Variants in REXO5 observed in about 807,000 individuals in gnomAD.
REXO5 encodes exonuclease NEF-sp.
In REXO5, 48 loss-of-function variants were observed where a neutral mutation model predicts 88.5. That is an observed-to-expected ratio of 0.54 (90% CI 0.43 to 0.69). The LOEUF is 0.69. REXO5 is among the 30% of genes least tolerant of loss of function. REXO5 has a pLI of 0.00. For missense variants in REXO5, 749 were observed against 912.2 expected, an observed-to-expected ratio of 0.82 and a Z score of 2.30; for synonymous variants, 311 against 336.5, an observed-to-expected ratio of 0.92 and a Z score of 0.83.
At chr16:20,806,918 A>C in intron 1 of REXO5, 34 bp from the exon 2 acceptor site, 1 of 1,554,724 alleles carries the variant, frequency 6.4e-7, no homozygotes, top group Admixed American at 1.9e-5. Context: ...GGGGCGCTGG[A>C]GTTTCCCCAG....
intron 19 of REXO5, among the ~76,000 whole-genome samples, chr16:20,849,093 G>A (rs574114754): frequency 6.6e-5 from 10 of 152,232 alleles, no homozygotes; most frequent in Non-Finnish European, 1.3e-4. Flanking sequence ...AGTGCTCAGT[G>A]TATGTTTGCT....
chr16:20,829,459 C>T (rs932973400), intron 11 of REXO5, among the ~76,000 whole-genome samples: 2 of 152,124 alleles, frequency 1.3e-5, no homozygotes, highest in African/African-American at 4.8e-5. Context: ...TATTATAATG[C>T]ATTCTAACCT....
chr16:20,826,673 T>C (rs2081264394), intron 8 of REXO5, among the ~76,000 whole-genome samples: 1 of 152,252 alleles, frequency 6.6e-6, no homozygotes, highest in East Asian at 1.9e-4. Context: ...AGTTAAAATA[T>C]GCTGTATCTG....
intron 2 of REXO5, among the ~76,000 whole-genome samples, chr16:20,812,460 GGTT>G (rs1297141132): frequency 6.6e-6 from 1 of 152,150 alleles, no homozygotes; most frequent in East Asian, 1.9e-4. Context: ...GGGAGGCAGA[GGTT>G]GTAGTGAGCA....
chr16:20,820,316 T>G (rs2081149859), intron 5 of REXO5, among the ~76,000 whole-genome samples: 1 of 151,782 alleles, frequency 6.6e-6, no homozygotes, highest in Admixed American at 6.6e-5. Context: ...CTTATGATAC[T>G]TTGGCTATTT....
At chr16:20,816,325 A>ATTT in intron 5 of REXO5, 113 bp downstream of exon 5, 1 of 502,764 alleles carries the variant, frequency 2.0e-6, no homozygotes, top group Admixed American at 3.9e-5. Context: ...CACAAAAACA[A>ATTT]TTTTTTTTTT....
Position 20,849,476 on chromosome 16 carries a change from C to G in REXO5, c.2321C>G (p.Ser774Trp), listed in dbSNP as rs764829816. ...EEESAGPGLC[S>W] is the part of the protein sequence containing the mutation. The stretch of plus-strand genomic sequence containing the variant: ...GAAAGCGCTGGCCCAGGCCTGTGTT[C>G]GTGAGTCGGCCTGCCATGTTTCCAT... Residue 774 changes from serine (S) to tryptophan (W), a missense_variant, in exon 20 of 20, where the codon TCG (serine) becomes TGG (tryptophan). By Grantham distance (177) the Ser-to-Trp change is radical. Coordinates refer to ENST00000261377, the MANE Select transcript of REXO5 (RefSeq NM_030941.3). The G allele has an allele frequency of 6.2e-7, 1 of 1,613,946 alleles. No individual in the cohort carries two copies. Among genetic ancestry groups the G allele is most frequent in the East Asian group, 2.2e-5 (1 of 44,880 alleles).
intron 12 of REXO5, 83 bp downstream of exon 12, chr16:20,832,342 C>A: frequency 1.1e-6 from 1 of 887,654 alleles, no homozygotes; most frequent in Non-Finnish European, 1.7e-6. Flanking sequence ...ATGTTTTTAT[C>A]CTCTTTTGAG....
intron 1 of REXO5, 47 bp from the exon 2 acceptor site, chr16:20,806,905 A>G (rs938211294): frequency 7.8e-6 from 12 of 1,544,448 alleles, no homozygotes; most frequent in Non-Finnish European, 9.6e-6. Context: ...ACGCGGGGGA[A>G]TAGGGGCGCT....
rs774577283 is a variant in REXO5 at position 20,840,336 on chromosome 16, G to A, written c.1494G>A (p.Arg498=). 3 of 1,544,404 alleles carry A rather than the reference G, an allele frequency of 1.9e-6. No individual in the cohort carries two copies. In the African/African-American group the frequency reaches 4.1e-5, roughly 21 times the overall value. The change falls in exon 15 of 20, where the codon AGG becomes AGA. Residue 498 remains arginine, a synonymous_variant. Transcript: ENST00000261377. ...TTCTGTTGTTTTTCCTACAGATGAGGATCAAGTGGACAGAGATATCAACTG... is the reference window on the plus strand; with the variant it reads ...TTCTGTTGTTTTTCCTACAGATGAGAATCAAGTGGACAGAGATATCAACTG... ...VLTEEMNKRM[R]IKWTEISTVY... is the part of the protein sequence containing the mutation.
At position 20,814,919 on chromosome 16, in the gene REXO5, C is replaced by T. The variant is rs752347076; in HGVS notation, c.252-8C>T. Reference sequence around the variant, plus strand: ...TGTCTTAACTGTGTTGGTTTGATTTCTTGGCAGCTGGTGCCAGCTTTTTCA... The same window carrying T: ...TGTCTTAACTGTGTTGGTTTGATTTTTTGGCAGCTGGTGCCAGCTTTTTCA... On this transcript the variant is annotated splice_region_variant and splice_polypyrimidine_tract_variant and intron_variant, in intron 3 of 19. Coordinates refer to ENST00000261377, the MANE Select transcript of REXO5 (RefSeq NM_030941.3). 3.1e-6 allele frequency: 5 copies of T among 1,610,390 alleles called. No homozygotes were observed. Among genetic ancestry groups the T allele is most frequent in the Non-Finnish European group, 3.4e-6 (4 of 1,178,502 alleles).
At chr16:20,839,664 C>A in intron 13 of REXO5, 91 bp from the exon 14 acceptor site, 2 of 765,712 alleles carry the variant, frequency 2.6e-6, no homozygotes, top group Non-Finnish European at 4.1e-6. Flanking sequence ...CGTAAAAAGA[C>A]AACTACTGTT....
Position 20,830,648 on chromosome 16 carries a change from C to A in REXO5, c.1159-1508C>A, listed in dbSNP as rs188867756. 5.3e-4 allele frequency among the ~76,000 whole-genome samples: 80 copies of A among 152,262 alleles called. 1 individual carries two copies. Among genetic ancestry groups the A allele is most frequent in the Admixed American group, 1.6e-3 (25 of 15,302 alleles). ...TTGCATGTAAAGGCAGGGTTTGTTC[C>A]TTGACACATACATGTATAGAAAATG... On this transcript the variant is annotated intron_variant, in intron 11 of 19. Coordinates refer to ENST00000261377, the MANE Select transcript of REXO5 (RefSeq NM_030941.3).
chr16:20,816,063 A>G (rs2081076301), intron 4 of REXO5, 53 bp from the exon 5 acceptor site: 1 of 1,420,688 alleles, frequency 7.0e-7, no homozygotes, highest in Non-Finnish European at 9.9e-7. Flanking sequence ...GGCCTTTCAC[A>G]GTATTTTAGC....
intron 11 of REXO5, 42 bp from the exon 12 acceptor site, chr16:20,832,114 C>T (rs1297146905): frequency 1.5e-6 from 2 of 1,304,002 alleles, no homozygotes; most frequent in Non-Finnish European, 1.1e-6. Context: ...GCATCAAATG[C>T]TCTGCAAGCA....
Position 20,816,032 on chromosome 16 carries a change from T to G in REXO5, c.379-84T>G, listed in dbSNP as rs2081075936. ...TTACTGTCTAGAACTTTCAAAGCACTGAGGTGACAATAAAAGTCCAGGCCT... is the reference window on the plus strand; with the variant it reads ...TTACTGTCTAGAACTTTCAAAGCACGGAGGTGACAATAAAAGTCCAGGCCT... On this transcript the variant is annotated intron_variant, in intron 4 of 19. Coordinates refer to ENST00000261377, the MANE Select transcript of REXO5 (RefSeq NM_030941.3). 3.9e-6 allele frequency: 4 copies of G among 1,034,340 alleles called. No homozygotes were observed. In the South Asian group the frequency reaches 5.5e-5, roughly 14 times the overall value. The allele number at this position is 1,034,340 out of a possible 1,614,324, so 64.1% of individuals were successfully genotyped here. A position where few individuals can be genotyped will look rare whatever the true frequency, so the allele number is the denominator to read the frequency against.
chr16:20,822,448 A>C (rs183155655), intron 6 of REXO5, among the ~76,000 whole-genome samples: 243 of 152,366 alleles, frequency 1.6e-3, no homozygotes, highest in African/African-American at 5.8e-3. Flanking sequence ...AATTTAACAT[A>C]CCACACAATT....
intron 5 of REXO5, among the ~76,000 whole-genome samples, chr16:20,819,712 G>A (rs1596576756): frequency 2.0e-5 from 3 of 149,500 alleles, no homozygotes; most frequent in African/African-American, 7.4e-5. Context: ...CCGAGATCGC[G>A]CCATTGCACT....
intron 13 of REXO5, among the ~76,000 whole-genome samples, chr16:20,839,456 A>T (rs2081491407): frequency 6.6e-6 from 1 of 151,466 alleles, no homozygotes; most frequent in Non-Finnish European, 1.5e-5. Context: ...CAATAGTGGG[A>T]GTTACACTTA....
Sources: gnomAD v4.1 joint callset for allele counts (sites outside exome capture counted in the v4.1 genomes callset) on GRCh38, gnomAD v4.1.1 for gene constraint, MANE v1.5 for transcripts, NCBI Gene and HGNC (gene_info 2026-07-23, HGNC 2026-07-21) for gene names.